The following MAP3K13 variants were observed in gnomAD, a reference collection of about 807,000 sequenced individuals.
MAP3K13 encodes the protein leucine zipper-bearing kinase.
A neutral mutation model predicts 104.0 loss-of-function variants in MAP3K13; 52 were observed. That is an observed-to-expected ratio of 0.50 (90% CI 0.40 to 0.63). The LOEUF (loss-of-function observed/expected upper bound fraction) is 0.63, where lower values mean the gene tolerates loss of function less well. Ranked by LOEUF, MAP3K13 falls within the 20% of genes least tolerant of loss-of-function variation. The probability of loss-of-function intolerance (pLI) is 0.00; values close to 1 mark genes in which losing one functional copy is unlikely to be tolerated. For synonymous variants in MAP3K13, 394 were observed against 442.2 expected (o/e 0.89, Z 1.37); for missense variants, 914 against 1,218.5 (o/e 0.75, Z 3.72).
intron 1 of MAP3K13, among the ~76,000 whole-genome samples, chr3:185,366,587 C>T (rs1033366962): frequency 2.0e-5 from 3 of 152,204 alleles, no homozygotes; most frequent in African/African-American, 7.2e-5. Context: ...AGCACATCCT[C>T]TTCAACACTT....
chr3:185,397,494 A>G (rs1712493931), intron 1 of MAP3K13, among the ~76,000 whole-genome samples: 1 of 152,258 alleles, frequency 6.6e-6, no homozygotes, highest in Admixed American at 6.5e-5. Flanking sequence ...GCTATTATGC[A>G]GTATATAAAT....
chr3:185,387,500 C>A (rs369394984), intron 1 of MAP3K13, among the ~76,000 whole-genome samples: 2 of 152,144 alleles, frequency 1.3e-5, no homozygotes, highest in Admixed American at 6.5e-5. Context: ...GCCAGGGAAA[C>A]CTTTTTTTAA....
At position 185,484,794 on chromosome 3, in the gene MAP3K13, A is replaced by T. The variant is rs1718643815; in HGVS notation, c.*2338A>T. 6.6e-6 allele frequency: 1 copy of T among 152,176 alleles called. No individual in the cohort carries two copies. Among genetic ancestry groups the T allele is most frequent in the African/African-American group, 2.4e-5 (1 of 41,436 alleles). The allele number at this position is 152,176 out of a possible 1,614,324, so 9.4% of individuals were successfully genotyped here. A position where few individuals can be genotyped will look rare whatever the true frequency, so the allele number is the denominator to read the frequency against. ...ATTATCATTGTTATTTTATTTTATAATATTATCATTCTCATTTTCTGTCGA... is the reference window on the plus strand; with the variant it reads ...ATTATCATTGTTATTTTATTTTATATTATTATCATTCTCATTTTCTGTCGA... On this transcript the variant is annotated 3_prime_UTR_variant, in exon 14 of 14. Coordinates refer to ENST00000265026, the MANE Select transcript of MAP3K13 (RefSeq NM_004721.5).
rs539129369 is a variant in MAP3K13, at chr3:185,345,015, A to G, written c.-86+59372A>G. On this transcript the variant is annotated intron_variant, in intron 2 of 14. Transcript: ENST00000424227. ...GTAGCTGGGATTACAGGCATGCGCCACCATGCCCAGCTAATTTTTGTATTG... is the reference window on the plus strand; with the variant it reads ...GTAGCTGGGATTACAGGCATGCGCCGCCATGCCCAGCTAATTTTTGTATTG... 2.6e-5 allele frequency among the ~76,000 whole-genome samples: 4 copies of G among 152,018 alleles called. 1 individual carries two copies. The South Asian group carries it at 8.3e-4, about 32-fold the overall frequency.
intron 1 of MAP3K13, among the ~76,000 whole-genome samples, chr3:185,368,841 C>G (rs1036315687): frequency 6.6e-6 from 1 of 151,966 alleles, no homozygotes; most frequent in African/African-American, 2.4e-5. Context: ...TGCCTGTAAT[C>G]CCAGCTACTC....
intron 1 of MAP3K13, among the ~76,000 whole-genome samples, chr3:185,374,633 C>T (rs916447506): frequency 4.6e-5 from 7 of 151,704 alleles, no homozygotes; most frequent in Non-Finnish European, 5.9e-5. Flanking sequence ...GCGGGGTTAG[C>T]GTAATTACTT....
intron 2 of MAP3K13, chr3:185,291,528 C>A (rs914712061): frequency 1.6e-6 from 2 of 1,219,494 alleles, no homozygotes; most frequent in Admixed American, 3.0e-5. Flanking sequence ...TGATTAATTA[C>A]TGACCCAAAA....
intron 3 of MAP3K13, among the ~76,000 whole-genome samples, chr3:185,441,739 C>A (rs1324580165): frequency 6.6e-6 from 1 of 151,594 alleles, no homozygotes; most frequent in Non-Finnish European, 1.5e-5. Context: ...CCCGTCTCTA[C>A]TAAAAATAAA....
At chr3:185,318,204 C>T (rs1237433065) in intron 2 of MAP3K13, among the ~76,000 whole-genome samples, 1 of 152,126 alleles carries the variant, frequency 6.6e-6, no homozygotes. Flanking sequence ...AAAATGGCTT[C>T]CCATTGTGCA....
intron 7 of MAP3K13, among the ~76,000 whole-genome samples, chr3:185,463,195 G>T (rs971617242): frequency 4.6e-5 from 7 of 152,180 alleles, no homozygotes; most frequent in African/African-American, 1.7e-4. Context: ...TATCAGAGCT[G>T]TTTTTTTCTG....
chr3:185,376,507 A>G (rs55896243), intron 1 of MAP3K13, among the ~76,000 whole-genome samples: 38,712 of 151,938 alleles, frequency 0.25, 5,090 homozygotes, highest in Admixed American at 0.3. Context: ...AACTCCGACC[A>G]CACAGCCCTG....
chr3:185,365,559 C>A (rs1250903499), intron 1 of MAP3K13, among the ~76,000 whole-genome samples: 1 of 152,024 alleles, frequency 6.6e-6, no homozygotes, highest in East Asian at 1.9e-4. Flanking sequence ...TTGGAGAGCT[C>A]AAATAGTTCA....
chr3:185,454,537 T>G (rs1475679950), intron 7 of MAP3K13, among the ~76,000 whole-genome samples: 3 of 19,994 alleles, frequency 1.5e-4, no homozygotes, highest in Non-Finnish European at 5.1e-4. Context: ...ATATATGAGA[T>G]ATATATATGA....
intron 10 of MAP3K13, among the ~76,000 whole-genome samples, chr3:185,467,799 A>AAT (rs60002058): frequency 6.6e-6 from 1 of 151,412 alleles, no homozygotes; most frequent in Admixed American, 6.6e-5. Context: ...AAAAAAAAAA[A>AAT]GAAATACCTG....
chr3:185,407,619 C>T lies in MAP3K13; in HGVS notation c.-85-20878C>T, dbSNP rs111234873. Reference sequence around the variant, plus strand: ...GTGATTCTACTATTGCTCAGGACAGCGTGGGGACTTTAGCTTCAGAGTGCG... The same window carrying T: ...GTGATTCTACTATTGCTCAGGACAGTGTGGGGACTTTAGCTTCAGAGTGCG... On this transcript the variant is annotated intron_variant, in intron 1 of 13. Coordinates refer to ENST00000265026, the MANE Select transcript of MAP3K13 (RefSeq NM_004721.5). 7.6e-4 allele frequency among the ~76,000 whole-genome samples: 115 copies of T among 152,176 alleles called. 1 individual carries two copies. The highest frequency in any genetic ancestry group is 2.6e-3 in the African/African-American group (109 of 41,514).
intron 1 of MAP3K13, among the ~76,000 whole-genome samples, chr3:185,389,602 T>TA (rs1711915749): frequency 6.6e-6 from 1 of 151,948 alleles, no homozygotes; most frequent in South Asian, 2.1e-4. Flanking sequence ...ACAATAGTAT[T>TA]CCTGTCCACA....
At chr3:185,401,597 G>T (rs974382933) in intron 1 of MAP3K13, among the ~76,000 whole-genome samples, 13 of 152,180 alleles carry the variant, frequency 8.5e-5, no homozygotes, top group African/African-American at 2.7e-4. Flanking sequence ...CAGTAAAGCG[G>T]CAGAGGCATT....
intron 2 of MAP3K13, among the ~76,000 whole-genome samples, chr3:185,355,193 C>G (rs879329765): frequency 6.6e-6 from 1 of 152,054 alleles, no homozygotes; most frequent in Admixed American, 6.6e-5. Flanking sequence ...ACATTAAGGC[C>G]GGGCACGGTG....
chr3:185,324,655 C>T (rs959686991), intron 2 of MAP3K13, among the ~76,000 whole-genome samples: 1 of 152,124 alleles, frequency 6.6e-6, no homozygotes, highest in Admixed American at 6.5e-5. Flanking sequence ...TTTTCTCCTC[C>T]ACTTATATCT....
Sources: allele counts gnomAD v4.1 joint callset (sites outside exome capture counted in the v4.1 genomes callset), GRCh38; gene constraint gnomAD v4.1.1; transcripts MANE v1.5; gene names NCBI Gene and HGNC (gene_info 2026-07-23, HGNC 2026-07-21).